Variants in POR observed in about 807,000 individuals in gnomAD.
The protein encoded by POR is cytochrome p450 oxidoreductase.
A neutral mutation model predicts 84.0 loss-of-function variants in POR; 56 were observed. The observed-to-expected ratio is 0.67, with a 90% CI of 0.54 to 0.83. The LOEUF is 0.83. Ranked by LOEUF, POR falls within the 40% of genes least tolerant of loss-of-function variation. The probability of loss-of-function intolerance (pLI) is 0.00; values close to 1 mark genes in which losing one functional copy is unlikely to be tolerated. For missense variants in POR, 938 were observed against 944.3 expected, an observed-to-expected ratio of 0.99 and a Z score of 0.09; for synonymous variants, 414 against 400.5, an observed-to-expected ratio of 1.03 and a Z score of -0.40.
chr7:75,919,390 T>C lies in POR; in HGVS notation c.-5+4211T>C, dbSNP rs1365104421. ...GTCTGCATCTGTGCGTGCGTGTGTG[T>C]GTGTGTGTGTGTGTGTGTATGCATA... On this transcript the variant is annotated intron_variant, in intron 1 of 15. Coordinates refer to ENST00000461988, the MANE Select transcript of POR (RefSeq NM_000941.3). Among the ~76,000 whole-genome samples, 11 of 151,744 alleles carry C rather than the reference T, an allele frequency of 7.2e-5. No individual in the cohort carries two copies. In the East Asian group the frequency reaches 2.1e-3, roughly 29 times the overall value.
chr7:75,972,292 G>A, intron 2 of POR, 121 bp from the exon 3 acceptor site: 1 of 879,200 alleles, frequency 1.1e-6, no homozygotes, highest in Non-Finnish European at 1.8e-6. Context: ...AAGCTGGAAT[G>A]TCCCCTCCCT....
Position 75,986,045 on chromosome 7 carries a change from T to G in POR, c.1792T>G (p.Phe598Val), listed in dbSNP as rs1409627657. ...TGCGCTCACCCAGCTCAACGTGGCC[T>G]TCTCCCGGGAGCAGTCCCACAAGGT... The change falls in exon 14 of 16, where the codon TTC becomes GTC. Residue 598 changes from phenylalanine to valine, a missense_variant. By Grantham distance (50) the Phe-to-Val change is conservative. Coordinates refer to ENST00000461988, the MANE Select transcript of POR (RefSeq NM_000941.3). 6.4e-7 allele frequency: 1 copy of G among 1,560,172 alleles called. No homozygotes were observed. Among genetic ancestry groups the G allele is most frequent in the African/African-American group, 1.4e-5 (1 of 73,540 alleles).
intron 3 of POR, among the ~76,000 whole-genome samples, chr7:75,973,061 G>C (rs1454565921): frequency 6.6e-6 from 1 of 151,968 alleles, no homozygotes; most frequent in Non-Finnish European, 1.5e-5. Flanking sequence ...GACCTCAGGT[G>C]ATCCGCCCGC....
intron 1 of POR, among the ~76,000 whole-genome samples, chr7:75,939,726 G>T (rs556614930): frequency 1.3e-4 from 20 of 148,540 alleles, no homozygotes; most frequent in Non-Finnish European, 2.7e-4. Context: ...TGCCTCAGCA[G>T]CCTCCAGAGT....
chr7:75,947,483 C>T (rs1479759524), intron 1 of POR, among the ~76,000 whole-genome samples: 4 of 152,070 alleles, frequency 2.6e-5, no homozygotes, highest in Non-Finnish European at 4.4e-5. Context: ...TTAGTAGAGA[C>T]GGGGTTTCAC....
intron 1 of POR, among the ~76,000 whole-genome samples, chr7:75,950,490 A>C (rs1414650470): frequency 6.6e-6 from 1 of 152,122 alleles, no homozygotes; most frequent in African/African-American, 2.4e-5. Context: ...CTAGACAGCT[A>C]GGGGAGCTCC....
chr7:75,978,567 A>G (rs1369722612), intron 3 of POR, among the ~76,000 whole-genome samples: 1 of 152,218 alleles, frequency 6.6e-6, no homozygotes, highest in Non-Finnish European at 1.5e-5. Context: ...CTTGTAGCCC[A>G]GGCTGGAGTG....
intron 1 of POR, among the ~76,000 whole-genome samples, chr7:75,946,363 C>T (rs6952548): frequency 0.082 from 12,489 of 151,834 alleles, 1,566 homozygotes; most frequent in African/African-American, 0.27. Flanking sequence ...TATGGCTCAC[C>T]GCAACCTCAA....
rs377232578 is a variant in POR, at chr7:75,938,246, A to G, written c.-4-15743A>G. Among the ~76,000 whole-genome samples, 16 of 152,312 alleles carry G rather than the reference A, an allele frequency of 1.1e-4. No individual in the cohort carries two copies. In the East Asian group the frequency reaches 1.2e-3, roughly 11 times the overall value. On this transcript the variant is annotated intron_variant, in intron 1 of 15. Coordinates refer to ENST00000461988, the MANE Select transcript of POR (RefSeq NM_000941.3). The stretch of plus-strand genomic sequence containing the variant: ...CAGCTGGGAGCGTTTGGCCATGGCC[A>G]TCTTCAGTGGAGAATGTTCTCCAGG...
At chr7:75,946,403 C>T (rs1457393355) in intron 1 of POR, among the ~76,000 whole-genome samples, 1 of 152,084 alleles carries the variant, frequency 6.6e-6, no homozygotes, top group African/African-American at 2.4e-5. Flanking sequence ...CCTCCTACCT[C>T]GGCCTGCCAC....
In POR at chr7:75,983,900, C is replaced by T. The variant is rs373626024; in HGVS notation, c.1066+44C>T. Reference sequence around the variant, plus strand: ...GCGCCCTGCCGGGCTCAGGCAGCCGCGGGATTGGGCCTGTAGGAAGGCCCT... The same window carrying T: ...GCGCCCTGCCGGGCTCAGGCAGCCGTGGGATTGGGCCTGTAGGAAGGCCCT... On this transcript the variant is annotated intron_variant, in intron 10 of 15. Coordinates refer to ENST00000461988, the MANE Select transcript of POR (RefSeq NM_000941.3). The T allele has an allele frequency of 9.5e-5, 140 of 1,471,730 alleles. 2 individuals carry two copies. In the East Asian group the frequency reaches 1.6e-3, roughly 16 times the overall value. 91.2% of individuals were successfully genotyped at this position (1,471,730 alleles called of 1,614,324 possible). A position where few individuals can be genotyped will look rare whatever the true frequency, so the allele number is the denominator to read the frequency against.
chr7:75,950,639 C>T (rs1787371382), intron 1 of POR, among the ~76,000 whole-genome samples: 1 of 152,168 alleles, frequency 6.6e-6, no homozygotes, highest in Admixed American at 6.5e-5. Context: ...GAAAATGTGA[C>T]AGGTGGCTCA....
chr7:75,951,820 T>C (rs773940125), intron 1 of POR, among the ~76,000 whole-genome samples: 2 of 152,254 alleles, frequency 1.3e-5, no homozygotes. Context: ...GACTCTCACT[T>C]GGACCTTTGT....
rs1554558184 is a variant in POR, at chr7:75,982,271, A to G, written c.779A>G (p.Lys260Arg). 2 of 1,612,986 alleles carry G rather than the reference A, an allele frequency of 1.2e-6. No individual in the cohort carries two copies. Among genetic ancestry groups the G allele is most frequent in the Non-Finnish European group, 1.7e-6 (2 of 1,179,600 alleles). ...GTCCACACCGACATAGATGCGGCCA[A>G]GGTGTACATGGGGGAGATGGGCCGG... Residue 260 changes from lysine (K) to arginine (R), a missense_variant, in exon 8 of 16, where the codon AAG becomes AGG. Coordinates refer to ENST00000461988, the MANE Select transcript of POR (RefSeq NM_000941.3).
intron 1 of POR, among the ~76,000 whole-genome samples, chr7:75,934,862 TG>T (rs1807591481): frequency 6.6e-6 from 1 of 152,134 alleles, no homozygotes; most frequent in South Asian, 2.1e-4. Flanking sequence ...GAGGGAGGCT[TG>T]GCAGCCTCCA....
intron 2 of POR, among the ~76,000 whole-genome samples, chr7:75,961,017 G>A (rs1390270329): frequency 2.0e-5 from 3 of 152,148 alleles, no homozygotes; most frequent in African/African-American, 7.2e-5. Context: ...TGGATCACAT[G>A]AGGCCAGGAG....
chr7:75,966,009 G>A (rs1416505551), intron 2 of POR, among the ~76,000 whole-genome samples: 4 of 152,174 alleles, frequency 2.6e-5, no homozygotes, highest in African/African-American at 9.7e-5. Context: ...CTGGGCCCTG[G>A]AGCTTTCACA....
intron 2 of POR, chr7:75,968,420 G>C (rs925479753): frequency 2.6e-6 from 1 of 385,242 alleles, no homozygotes; most frequent in South Asian, 1.9e-5. Flanking sequence ...GACCAGGAAG[G>C]CCTCATGCAC....
chr7:75,927,475 A>G (rs1807188249), intron 1 of POR, among the ~76,000 whole-genome samples: 1 of 151,842 alleles, frequency 6.6e-6, no homozygotes, highest in African/African-American at 2.4e-5. Context: ...AACAACAACA[A>G]AAAAAACCCC....
Sources: allele counts gnomAD v4.1 joint callset (sites outside exome capture counted in the v4.1 genomes callset), GRCh38; gene constraint gnomAD v4.1.1; transcripts MANE v1.5; gene names NCBI Gene and HGNC (gene_info 2026-07-23, HGNC 2026-07-21).